PCDHA2: variants seen among roughly 807,000 people sequenced by gnomAD.
PCDHA2 encodes protocadherin alpha-2.
PCDHA2 carries 58 observed loss-of-function variants against 66.0 expected under a neutral mutation model. That is an observed-to-expected ratio of 0.88 (90% CI 0.71 to 1.09). The LOEUF (loss-of-function observed/expected upper bound fraction) is 1.09. Ranked by LOEUF, PCDHA2 falls within the 50% of genes least tolerant of loss-of-function variation. PCDHA2 has a pLI of 0.00. For missense variants in PCDHA2, 1,267 were observed against 1,242.3 expected (o/e 1.02, Z -0.30); for synonymous variants, 634 against 554.0 (o/e 1.14, Z -2.03).
chr5:140,871,710 C>T (rs1306052156), intron 1 of PCDHA2: 4 of 826,486 alleles, frequency 4.8e-6, no homozygotes, highest in East Asian at 2.8e-5. Flanking sequence ...AATAAATGTC[C>T]TATTTCTCTT....
At chr5:140,835,408 A>G (rs1554134951) in intron 1 of PCDHA2, 1 of 1,614,004 alleles carries the variant, frequency 6.2e-7, no homozygotes, top group Non-Finnish European at 8.5e-7. Context: ...GAAGTTGTGG[A>G]TGTAAATGAC....
intron 1 of PCDHA2, chr5:140,857,693 A>T: frequency 6.3e-7 from 1 of 1,597,022 alleles, no homozygotes; most frequent in Non-Finnish European, 8.6e-7. Context: ...CAGCAACTTG[A>T]CGCTGCAGGT....
At chr5:140,822,072 G>A (rs950776506) in intron 1 of PCDHA2, 4 of 1,614,228 alleles carry the variant, frequency 2.5e-6, no homozygotes, top group African/African-American at 1.3e-5. Context: ...GGCGGAGGGC[G>A]GAGTGCAGCA....
chr5:140,898,338 C>G (rs2066670384), intron 1 of PCDHA2, among the ~76,000 whole-genome samples: 2 of 152,188 alleles, frequency 1.3e-5, no homozygotes, highest in African/African-American at 2.4e-5. Flanking sequence ...ACGTTTAAGT[C>G]TTTAATCCAT....
At chr5:140,820,515 G>A (rs2150107166) in intron 1 of PCDHA2, among the ~76,000 whole-genome samples, 23 of 151,938 alleles carry the variant, frequency 1.5e-4, no homozygotes, top group African/African-American at 5.6e-4. Flanking sequence ...ATATATACAA[G>A]CAGAATGTTA....
chr5:140,812,159 G>T (rs1765050158), intron 1 of PCDHA2: 1 of 151,474 alleles, frequency 6.6e-6, no homozygotes, highest in South Asian at 2.1e-4. Flanking sequence ...TGTTGTTGTT[G>T]TTGTTAGGAG....
rs782293908 is a variant in PCDHA2, at chr5:140,870,195, C to A, written c.2388+72843C>A. 3.1e-6 allele frequency: 5 copies of A among 1,614,178 alleles called. No individual in the cohort carries two copies. In the South Asian group the frequency reaches 5.5e-5, roughly 18 times the overall value. On this transcript the variant is annotated intron_variant, in intron 1 of 3. Transcript: ENST00000526136. ...TCCCAGTACGAGAGGACGCTCAGCC[C>A]AGCACGGTCATTGCCCTGATCAGCG...
chr5:140,830,384 C>T (rs2150185843), intron 1 of PCDHA2: 1 of 1,614,156 alleles, frequency 6.2e-7, no homozygotes, highest in South Asian at 1.1e-5. Context: ...GGAGGGCCCA[C>T]CCAAGATGGA....
chr5:140,877,840 G>A, intron 1 of PCDHA2: 1 of 1,580,394 alleles, frequency 6.3e-7, no homozygotes, highest in South Asian at 1.2e-5. Context: ...TCCCAGTGAA[G>A]TAAGTTATTA....
At chr5:140,921,131 C>T (rs532456439) in intron 1 of PCDHA2, among the ~76,000 whole-genome samples, 9 of 132,934 alleles carry the variant, frequency 6.8e-5, no homozygotes, top group Non-Finnish European at 1.1e-4. Context: ...CAGGTGCACA[C>T]CACTACACCC....
Position 140,987,904 on chromosome 5 carries a change from G to T in PCDHA2, c.2536+5341G>T, listed in dbSNP as rs115515462. 1.9e-3 allele frequency among the ~76,000 whole-genome samples: 290 copies of T among 151,852 alleles called. 1 individual carries two copies. The highest frequency in any genetic ancestry group is 7.0e-3 in the African/African-American group (288 of 41,412). On this transcript the variant is annotated intron_variant, in intron 3 of 3. Transcript: ENST00000526136. ...GTTTATGTGCCCTAGTTTTATATGG[G>T]GATTTATATTCTTAATTGTCTCAAG...
intron 1 of PCDHA2, among the ~76,000 whole-genome samples, chr5:140,846,989 C>CG (rs1310758236): frequency 2.0e-5 from 3 of 149,196 alleles, no homozygotes; most frequent in African/African-American, 7.4e-5. Context: ...AAGTTCCCCC[C>CG]GGGAGAATAT....
chr5:140,883,827 T>G, intron 1 of PCDHA2: 1 of 1,612,546 alleles, frequency 6.2e-7, no homozygotes, highest in South Asian at 1.1e-5. Context: ...GTGTACGCGC[T>G]GCAGCCGTTG....
At chr5:140,926,204 G>C (rs888951769) in intron 1 of PCDHA2, among the ~76,000 whole-genome samples, 1 of 151,802 alleles carries the variant, frequency 6.6e-6, no homozygotes, top group South Asian at 2.2e-4. Context: ...CTTTCGGGGG[G>C]CTCCTGTTTC....
At chr5:140,886,364 C>T (rs2060956289) in intron 1 of PCDHA2, among the ~76,000 whole-genome samples, 1 of 152,082 alleles carries the variant, frequency 6.6e-6, no homozygotes. Context: ...CATAGGTGTA[C>T]ATGCCATGGT....
intron 1 of PCDHA2, among the ~76,000 whole-genome samples, chr5:140,963,057 A>G (rs1004095673): frequency 1.3e-5 from 2 of 152,186 alleles, no homozygotes; most frequent in African/African-American, 4.8e-5. Context: ...AAGGGTTTCT[A>G]CATTGTGAAG....
intron 1 of PCDHA2, chr5:140,861,489 T>C (rs1263329401): frequency 2.0e-6 from 1 of 487,812 alleles, no homozygotes; most frequent in Non-Finnish European, 4.2e-6. Flanking sequence ...TTTTGTGAGT[T>C]CTCTGATAGA....
chr5:140,840,750 A>G (rs1261574631), intron 1 of PCDHA2, among the ~76,000 whole-genome samples: 1 of 152,112 alleles, frequency 6.6e-6, no homozygotes, highest in Non-Finnish European at 1.5e-5. Flanking sequence ...CAATAAGAAC[A>G]CAAGAAGATA....
intron 1 of PCDHA2, chr5:140,877,350 G>T (rs376513441): frequency 1.9e-6 from 3 of 1,614,014 alleles, no homozygotes; most frequent in Non-Finnish European, 2.5e-6. Flanking sequence ...ACGTGGGGCT[G>T]TACACTGGCG....
Sources: gnomAD v4.1 joint callset for allele counts (sites outside exome capture counted in the v4.1 genomes callset) on GRCh38, gnomAD v4.1.1 for gene constraint, MANE v1.5 for transcripts, NCBI Gene and HGNC (gene_info 2026-07-23, HGNC 2026-07-21) for gene names.